Variants in APLF observed in about 807,000 individuals in gnomAD.
APLF encodes aprataxin and PNKP like factor, also known as aprataxin and PNK-like factor.
A neutral mutation model predicts 55.6 loss-of-function variants in APLF; 61 were observed. The ratio of observed to expected loss-of-function variants is 1.10; its 90% confidence interval spans 0.89 to 1.36. The LOEUF (loss-of-function observed/expected upper bound fraction) is 1.36, where lower values mean the gene tolerates loss of function less well. APLF is among the 40% of genes most tolerant of loss of function. The probability of loss-of-function intolerance (pLI) is 0.00; values close to 1 mark genes in which losing one functional copy is unlikely to be tolerated. For missense variants in APLF, 611 were observed against 602.5 expected (o/e 1.01, Z -0.15); for synonymous variants, 207 against 214.8 (o/e 0.96, Z 0.32).
At chr2:68,528,662 C>A in intron 6 of APLF, 1 of 1,512,610 alleles carries the variant, frequency 6.6e-7, no homozygotes. Context: ...CAGGGAGCAG[C>A]CCGGAACTGG....
intron 7 of APLF, among the ~76,000 whole-genome samples, chr2:68,543,100 T>C (rs1288089311): frequency 6.6e-6 from 1 of 152,136 alleles, no homozygotes; most frequent in Non-Finnish European, 1.5e-5. Context: ...GTAGTTAGAT[T>C]CATAAAAACA....
intron 8 of APLF, among the ~76,000 whole-genome samples, chr2:68,556,509 T>C (rs1671015075): frequency 6.6e-6 from 1 of 152,238 alleles, no homozygotes; most frequent in South Asian, 2.1e-4. Context: ...TAATGTCCAG[T>C]GATTGCTGTT....
At chr2:68,516,182 C>A (rs1359945595) in intron 5 of APLF, among the ~76,000 whole-genome samples, 1 of 151,456 alleles carries the variant, frequency 6.6e-6, no homozygotes, top group African/African-American at 2.4e-5. Context: ...TAATAAATGC[C>A]AGAGCTGTAA....
chr2:68,481,203 T>C (rs1294721174), intron 1 of APLF, among the ~76,000 whole-genome samples: 4 of 152,208 alleles, frequency 2.6e-5, no homozygotes, highest in Admixed American at 1.3e-4. Context: ...TAGTCTTTTT[T>C]AAAAGTTTGG....
intron 5 of APLF, among the ~76,000 whole-genome samples, chr2:68,519,925 TC>T (rs1349155872): frequency 6.6e-6 from 1 of 151,910 alleles, no homozygotes; most frequent in African/African-American, 2.4e-5. Context: ...TATTTTACAT[TC>T]CCACCAGCAG....
chr2:68,483,242 G>C (rs1331520231), intron 1 of APLF, among the ~76,000 whole-genome samples: 2 of 152,116 alleles, frequency 1.3e-5, no homozygotes, highest in African/African-American at 4.8e-5. Context: ...GTAAATTCCA[G>C]GTAGCTCTCC....
At chr2:68,557,677 T>A (rs112766289) in intron 8 of APLF, among the ~76,000 whole-genome samples, 1 of 152,024 alleles carries the variant, frequency 6.6e-6, no homozygotes, top group Non-Finnish European at 1.5e-5. Context: ...TGTGGGAGGC[T>A]GAGGTGGGTG....
chr2:68,564,964 A>G (rs1208495684), intron 8 of APLF, among the ~76,000 whole-genome samples: 2 of 152,142 alleles, frequency 1.3e-5, no homozygotes, highest in Non-Finnish European at 2.9e-5. Flanking sequence ...ACATTTAAAT[A>G]TGAATTAACT....
intron 9 of APLF, among the ~76,000 whole-genome samples, chr2:68,577,472 A>T (rs1017942989): frequency 6.6e-6 from 1 of 152,148 alleles, no homozygotes; most frequent in Non-Finnish European, 1.5e-5. Context: ...GCAATCACTG[A>T]GAAGTGAGGA....
Position 68,579,169 on chromosome 2 carries a change from T to C in APLF, c.*1147T>C. 2 of 783,194 alleles carry C rather than the reference T, an allele frequency of 2.6e-6. No individual in the cohort carries two copies. Among genetic ancestry groups the C allele is most frequent in the East Asian group, 1.3e-4 (1 of 7,864 alleles). 48.5% of individuals were successfully genotyped at this position (783,194 alleles called of 1,614,324 possible). A position where few individuals can be genotyped will look rare whatever the true frequency, so the allele number is the denominator to read the frequency against. ...ATCTTAAAAGATCAAAACATATTTA[T>C]AATAATATTTTCTCATTGCTTTAAA... On this transcript the variant is annotated 3_prime_UTR_variant, in exon 10 of 10. Transcript: ENST00000303795.
chr2:68,509,531 C>G (rs1473050441), intron 3 of APLF, among the ~76,000 whole-genome samples: 4 of 152,058 alleles, frequency 2.6e-5, no homozygotes, highest in Non-Finnish European at 5.9e-5. Flanking sequence ...CCATCTCACA[C>G]CAGTTAGAAT....
At chr2:68,497,703 G>A (rs571726071) in intron 2 of APLF, among the ~76,000 whole-genome samples, 22 of 151,902 alleles carry the variant, frequency 1.4e-4, no homozygotes, top group African/African-American at 4.3e-4. Context: ...TCTTTAAGAC[G>A]GCACCAAGCC....
chr2:68,502,746 T>A lies in APLF; in HGVS notation c.184T>A (p.Cys62Ser). ...LRIKPIHTNP[C>S]FYQSSEKSQL... ...AATTTGTTAGATACACACAAATCCA[T>A]GTTTTTACCAGTCTTCAGAGAAGAG... Residue 62 changes from cysteine (C) to serine (S), a missense_variant, in exon 3 of 10, where the codon TGT (cysteine) becomes AGT (serine). Physicochemically the swap from Cys to Ser is moderately radical, Grantham distance 112. Transcript: ENST00000303795. 1 of 1,529,256 alleles carries A rather than the reference T, an allele frequency of 6.5e-7. No homozygotes were observed. The highest frequency in any genetic ancestry group is 8.7e-7 in the Non-Finnish European group (1 of 1,147,014). 94.7% of individuals were successfully genotyped at this position (1,529,256 alleles called of 1,614,324 possible).
intron 7 of APLF, among the ~76,000 whole-genome samples, chr2:68,539,978 G>A (rs527309062): frequency 6.6e-6 from 1 of 152,112 alleles, no homozygotes; most frequent in Non-Finnish European, 1.5e-5. Flanking sequence ...TGACATGATT[G>A]TATAATTTTG....
At chr2:68,552,159 G>A (rs1004260843) in intron 8 of APLF, among the ~76,000 whole-genome samples, 2 of 152,062 alleles carry the variant, frequency 1.3e-5, no homozygotes, top group Admixed American at 1.3e-4. Flanking sequence ...AGTTATGTTT[G>A]TTGCAAATAC....
chr2:68,510,596 C>A (rs1045636883), intron 3 of APLF, among the ~76,000 whole-genome samples: 1 of 151,816 alleles, frequency 6.6e-6, no homozygotes, highest in African/African-American at 2.4e-5. Flanking sequence ...GGTATAGCCT[C>A]TTTGGAACAT....
chr2:68,569,775 G>T (rs888990817), intron 9 of APLF, among the ~76,000 whole-genome samples: 25 of 152,064 alleles, frequency 1.6e-4, no homozygotes, highest in Non-Finnish European at 1.8e-4. Flanking sequence ...TGAATCAAGA[G>T]GATTTACCAA....
intron 1 of APLF, among the ~76,000 whole-genome samples, chr2:68,482,758 G>A (rs1048668390): frequency 6.6e-6 from 1 of 152,162 alleles, no homozygotes; most frequent in African/African-American, 2.4e-5. Context: ...CCACCAGACT[G>A]TTTCCTCATT....
intron 5 of APLF, among the ~76,000 whole-genome samples, chr2:68,522,587 T>C (rs1669924982): frequency 6.6e-6 from 1 of 151,898 alleles, no homozygotes; most frequent in South Asian, 2.1e-4. Context: ...TTATGTTTCT[T>C]CATGGAACTC....
Sources: gnomAD v4.1 joint callset for allele counts (sites outside exome capture counted in the v4.1 genomes callset) on GRCh38, gnomAD v4.1.1 for gene constraint, MANE v1.5 for transcripts, NCBI Gene and HGNC (gene_info 2026-07-23, HGNC 2026-07-21) for gene names.